Variants in PTPRB observed in about 807,000 individuals in gnomAD.
The protein encoded by PTPRB is receptor-type tyrosine-protein phosphatase beta.
In PTPRB, 97 loss-of-function variants were observed where a neutral mutation model predicts 238.1. That is an observed-to-expected ratio of 0.41 (90% CI 0.35 to 0.48). The LOEUF (loss-of-function observed/expected upper bound fraction) is 0.48. Among genes scored for constraint, PTPRB ranks in the 20% least tolerant of loss-of-function variants. PTPRB has a pLI of 0.30. For synonymous variants in PTPRB, 970 were observed against 995.4 expected, an observed-to-expected ratio of 0.97 and a Z score of 0.48; for missense variants, 2,292 against 2,681.9, an observed-to-expected ratio of 0.85 and a Z score of 3.21.
chr12:70,576,009 G>A (rs928065162), intron 11 of PTPRB, among the ~76,000 whole-genome samples: 1 of 152,158 alleles, frequency 6.6e-6, no homozygotes, highest in Admixed American at 6.5e-5. Flanking sequence ...AAGGTAAACA[G>A]TTGGGCGAGT....
At chr12:70,593,448 G>T (rs571409958) in intron 6 of PTPRB, among the ~76,000 whole-genome samples, 1 of 149,224 alleles carries the variant, frequency 6.7e-6, no homozygotes, top group African/African-American at 2.5e-5. Context: ...GGGAGGCTGA[G>T]GTTGCAGTGA....
intron 2 of PTPRB, among the ~76,000 whole-genome samples, chr12:70,630,119 A>G (rs1214469513): frequency 6.6e-6 from 1 of 152,190 alleles, no homozygotes; most frequent in African/African-American, 2.4e-5. Context: ...CAACAAAAAA[A>G]GAGAATTTTA....
intron 15 of PTPRB, among the ~76,000 whole-genome samples, chr12:70,564,844 A>G (rs1879034263): frequency 5.5e-4 from 1 of 1,828 alleles, no homozygotes; most frequent in Non-Finnish European, 1.7e-3. Context: ...AAAAATAATA[A>G]ATAATAATAA....
In PTPRB at chr12:70,590,145, C is replaced by T; in HGVS notation, c.1869G>A (p.Trp623Ter). The T allele has an allele frequency of 6.2e-7, 1 of 1,613,642 alleles. No homozygotes were observed. The highest frequency in any genetic ancestry group is 8.5e-7 in the Non-Finnish European group (1 of 1,179,702). The change falls in exon 8 of 34, where the codon TGG becomes TGA. Residue 623 changes from tryptophan to a stop codon, truncating the protein, a stop_gained. Coordinates refer to ENST00000334414, the MANE Select transcript of PTPRB (RefSeq NM_001109754.4). LOFTEE classifies it high-confidence loss of function. ...TGAAGAGTAGGATCCGATACTGCTC[C>T]CAGTCTCCAGCAGGGGGCGACCAGC... ...VVSWSPPAGD[W>*]EQYRILLFND...
chr12:70,528,716 G>A (rs2136212558), intron 32 of PTPRB, among the ~76,000 whole-genome samples: 1 of 152,210 alleles, frequency 6.6e-6, no homozygotes, highest in African/African-American at 2.4e-5. Context: ...TGCCAGGTGT[G>A]GTGGTGCACA....
intron 10 of PTPRB, among the ~76,000 whole-genome samples, 173 bp from the exon 11 acceptor site, chr12:70,576,818 C>T (rs1880830837): frequency 6.6e-6 from 1 of 151,968 alleles, no homozygotes; most frequent in African/African-American, 2.4e-5. Context: ...CACTCAGCTT[C>T]CAGAAGCTGA....
chr12:70,609,010 A>G, intron 4 of PTPRB, 59 bp downstream of exon 4: 1 of 1,554,348 alleles, frequency 6.4e-7, no homozygotes, highest in Non-Finnish European at 8.7e-7. Context: ...CACCAGCTTG[A>G]AAAGGCAGGG....
intron 10 of PTPRB, 58 bp downstream of exon 10, chr12:70,580,977 TA>T: frequency 2.6e-6 from 4 of 1,531,198 alleles, no homozygotes; most frequent in Non-Finnish European, 3.5e-6. Context: ...ATATTCTGAT[TA>T]GGGGTCTCAT....
At chr12:70,531,886 G>GTCTT (rs1873303362) in intron 32 of PTPRB, 149 bp downstream of exon 32, 3 of 897,062 alleles carry the variant, frequency 3.3e-6, no homozygotes, top group African/African-American at 3.4e-5. Flanking sequence ...AAAATAACAA[G>GTCTT]TCTTAGAAAA....
Position 70,534,901 on chromosome 12 carries a change from G to C in PTPRB, c.6136C>G (p.Leu2046Val). 13 of 1,613,892 alleles carry C rather than the reference G, an allele frequency of 8.1e-6. No homozygotes were observed. Among genetic ancestry groups the C allele is most frequent in the Non-Finnish European group, 1.0e-5 (12 of 1,179,810 alleles). Residue 2046 changes from leucine (L) to valine (V), a missense_variant, in exon 30 of 34, where the codon CTC becomes GTC. Coordinates refer to ENST00000334414, the MANE Select transcript of PTPRB (RefSeq NM_001109754.4). ...ADQDSLYYGD[L>V]ILQMLSESVL... is the part of the protein sequence containing the mutation. ...GACTCTGAGAGCATCTGCAGGATGA[G>C]GTCCCCATAGTAGAGGGAATCCTGG...
chr12:70,626,310 T>C (rs1369496369), intron 2 of PTPRB, among the ~76,000 whole-genome samples: 1 of 128,876 alleles, frequency 7.8e-6, no homozygotes, highest in African/African-American at 3.1e-5. Flanking sequence ...TATCTATCTA[T>C]CTATCTATCT....
intron 4 of PTPRB, among the ~76,000 whole-genome samples, chr12:70,605,165 G>C (rs1883842094): frequency 6.6e-6 from 1 of 152,098 alleles, no homozygotes; most frequent in African/African-American, 2.4e-5. Flanking sequence ...CTTAACAAGA[G>C]GGAAAATGCT....
At chr12:70,622,720 T>C in intron 2 of PTPRB, 74 bp from the exon 3 acceptor site, 1 of 1,458,566 alleles carries the variant, frequency 6.9e-7, no homozygotes, top group Non-Finnish European at 9.1e-7. Context: ...TCAATTTTAC[T>C]TAGCAAAAGA....
chr12:70,600,875 CT>C (rs200361448), intron 4 of PTPRB, among the ~76,000 whole-genome samples: 6 of 147,396 alleles, frequency 4.1e-5, no homozygotes, highest in East Asian at 2.0e-4. Context: ...TTTGTATTTT[CT>C]TTTTTTTTTG....
intron 33 of PTPRB, among the ~76,000 whole-genome samples, chr12:70,522,953 C>G (rs1047240680): frequency 6.7e-6 from 1 of 149,592 alleles, no homozygotes; most frequent in Admixed American, 6.7e-5. Context: ...ACCTTCGCCT[C>G]TCGGGTTCAA....
chr12:70,612,202 G>A (rs994860885), intron 3 of PTPRB, among the ~76,000 whole-genome samples: 2 of 152,160 alleles, frequency 1.3e-5, no homozygotes, highest in South Asian at 2.1e-4. Flanking sequence ...AATGATTAGT[G>A]AGTCCTAAAT....
chr12:70,562,958 G>T lies in PTPRB; in HGVS notation c.4054C>A (p.Pro1352Thr). ...TGGAAAGAGAAGCTCTGGACTAGTG[G>T]GTCAACTTGAGCTCTCTCCTGGAGA... ...GNLQERAQVD[P>T]LVQSFSFQNL... The change falls in exon 16 of 34, where the codon CCA (proline) becomes ACA (threonine). Residue 1352 changes from proline (P) to threonine (T), a missense_variant. Physicochemically the swap from Pro to Thr is conservative, Grantham distance 38. This residue lies in a region of PTPRB where 683 missense variants were observed against 862.0 expected (regional missense o/e 0.79). Transcript: ENST00000334414. 1.2e-6 allele frequency: 2 copies of T among 1,613,942 alleles called. No individual in the cohort carries two copies. The highest frequency in any genetic ancestry group is 1.7e-6 in the Non-Finnish European group (2 of 1,179,878).
chr12:70,578,505 A>G (rs1320424793), intron 10 of PTPRB, among the ~76,000 whole-genome samples: 2 of 152,134 alleles, frequency 1.3e-5, no homozygotes, highest in Non-Finnish European at 2.9e-5. Flanking sequence ...CAATTTATTC[A>G]TATTTGATTC....
At position 70,609,728 on chromosome 12, in the gene PTPRB, G is replaced by A. The variant is rs752990267; in HGVS notation, c.709-389C>T. The A allele has an allele frequency of 1.1e-4, 164 of 1,531,508 alleles. 1 individual carries two copies. The East Asian group carries it at 4.0e-3, about 37-fold the overall frequency. The allele number at this position is 1,531,508 out of a possible 1,614,324, so 94.9% of individuals were successfully genotyped here. The stretch of plus-strand genomic sequence containing the variant: ...ATTTGGTTTTCGGCGGGGAGGGGGC[G>A]CATCAGCTCTGACCCCTTCTCGGGC... On this transcript the variant is annotated intron_variant, in intron 3 of 33. Coordinates refer to ENST00000334414, the MANE Select transcript of PTPRB (RefSeq NM_001109754.4).
Sources: allele counts gnomAD v4.1 joint callset (sites outside exome capture counted in the v4.1 genomes callset), GRCh38; gene constraint gnomAD v4.1.1; regional missense constraint gnomAD v4.1.1; transcripts MANE v1.5; gene names NCBI Gene and HGNC (gene_info 2026-07-23, HGNC 2026-07-21).